MYOF: variants seen among roughly 807,000 people sequenced by gnomAD.
MYOF encodes fer-1-like 3, myoferlin.
MYOF carries 244 observed loss-of-function variants against 284.2 expected under a neutral mutation model. That is an observed-to-expected ratio of 0.86 (90% CI 0.77 to 0.95). MYOF has a LOEUF of 0.95. Among genes scored for constraint, MYOF ranks in the 40% least tolerant of loss-of-function variants. MYOF has a pLI of 0.00. For synonymous variants in MYOF, 904 were observed against 919.7 expected, an observed-to-expected ratio of 0.98 and a Z score of 0.31; for missense variants, 2,496 against 2,560.6, an observed-to-expected ratio of 0.97 and a Z score of 0.54.
At position 93,323,258 on chromosome 10, in the gene MYOF, T is replaced by C; in HGVS notation, c.5360+12A>G. 1 of 1,614,106 alleles carries C rather than the reference T, an allele frequency of 6.2e-7. No individual in the cohort carries two copies. Among genetic ancestry groups the C allele is most frequent in the Non-Finnish European group, 8.5e-7 (1 of 1,179,916 alleles). ...CAGTGTATGTATCAGGGTCTCAGGA[T>C]GACTGACTTACTTCTTGGCTTTCCG... On this transcript the variant is annotated intron_variant, in intron 47 of 53. Transcript: ENST00000359263.
intron 1 of MYOF, among the ~76,000 whole-genome samples, chr10:93,472,560 A>C (rs573768768): frequency 6.6e-6 from 1 of 152,070 alleles, no homozygotes; most frequent in Non-Finnish European, 1.5e-5. Context: ...AATCGCTTGA[A>C]CCCAGGAGGA....
At chr10:93,460,823 C>A (rs527537588) in intron 1 of MYOF, among the ~76,000 whole-genome samples, 2 of 149,428 alleles carry the variant, frequency 1.3e-5, no homozygotes, top group South Asian at 4.2e-4. Context: ...AGGCCAGGTG[C>A]GGTGGCTGAC....
At chr10:93,410,965 T>C (rs1847876888) in intron 5 of MYOF, among the ~76,000 whole-genome samples, 1 of 152,188 alleles carries the variant, frequency 6.6e-6, no homozygotes, top group Non-Finnish European at 1.5e-5. Context: ...TCGAGCTATG[T>C]GAGTCTGAGT....
At chr10:93,482,008 G>C in intron 1 of MYOF, 99 bp downstream of exon 1, 1 of 1,134,264 alleles carries the variant, frequency 8.8e-7, no homozygotes, top group Non-Finnish European at 1.3e-6. Context: ...GAGAGACTTG[G>C]CTTCATCAGC....
chr10:93,438,450 C>T (rs1477338981), intron 3 of MYOF, among the ~76,000 whole-genome samples: 1 of 152,182 alleles, frequency 6.6e-6, no homozygotes, highest in Admixed American at 6.5e-5. Context: ...CCTCGGTTCA[C>T]CCCTCCACTT....
At chr10:93,364,361 G>A (rs1202520111) in intron 26 of MYOF, among the ~76,000 whole-genome samples, 3 of 152,240 alleles carry the variant, frequency 2.0e-5, no homozygotes, top group Non-Finnish European at 4.4e-5. Context: ...AAACAGTATT[G>A]TGGGCAGCTT....
At chr10:93,368,646 A>G (rs1488670248) in intron 25 of MYOF, among the ~76,000 whole-genome samples, 1 of 152,224 alleles carries the variant, frequency 6.6e-6, no homozygotes, top group Non-Finnish European at 1.5e-5. Context: ...TATTCATTCA[A>G]TAAACAGGTA....
chr10:93,425,358 A>C (rs145627677), intron 5 of MYOF, among the ~76,000 whole-genome samples: 137 of 152,134 alleles, frequency 9.0e-4, no homozygotes, highest in Middle Eastern at 3.4e-3. Flanking sequence ...GAAGGGACAG[A>C]GACTTTTAGC....
At position 93,419,918 on chromosome 10, in the gene MYOF, G is replaced by A. The variant is rs181536489; in HGVS notation, c.433+6153C>T. Among the ~76,000 whole-genome samples the A allele has an allele frequency of 2.0e-5, 3 of 152,220 alleles. No homozygotes were observed. In the East Asian group the frequency reaches 5.8e-4, roughly 29 times the overall value. On this transcript the variant is annotated intron_variant, in intron 5 of 53. Transcript: ENST00000359263. ...AGGCCGAGGCTGGCGGATCACCTGA[G>A]GTCGGGAGTTCAAGACCAGCTTGGT... is the stretch of plus-strand genomic sequence containing the variant.
At chr10:93,336,567 A>G (rs1174284125) in intron 40 of MYOF, among the ~76,000 whole-genome samples, 2 of 152,172 alleles carry the variant, frequency 1.3e-5, no homozygotes, top group Non-Finnish European at 2.9e-5. Flanking sequence ...TGCTCCTAGG[A>G]GGGATGAGGA....
Position 93,351,718 on chromosome 10 carries a change from C to A in MYOF, c.3610G>T (p.Val1204Phe), listed in dbSNP as rs1844524227. ...EVEIYGEPQT[V>F]LQNPPKVIME... ...ATAACTTTGGGTGGATTCTGTAGAACTGTTTGGGGTTCCCCATAGATTTCA... is the reference window on the plus strand; with the variant it reads ...ATAACTTTGGGTGGATTCTGTAGAAATGTTTGGGGTTCCCCATAGATTTCA... Residue 1204 changes from valine (V) to phenylalanine (F), a missense_variant, in exon 33 of 54, where the codon GTT (valine) becomes TTT (phenylalanine). Coordinates refer to ENST00000359263, the MANE Select transcript of MYOF (RefSeq NM_013451.4). 1 of 1,599,576 alleles carries A rather than the reference C, an allele frequency of 6.3e-7. No individual in the cohort carries two copies. Among genetic ancestry groups the A allele is most frequent in the Non-Finnish European group, 8.5e-7 (1 of 1,175,818 alleles).
At chr10:93,402,464 A>G in intron 10 of MYOF, 117 bp from the exon 11 acceptor site, 1 of 773,496 alleles carries the variant, frequency 1.3e-6, no homozygotes, top group South Asian at 1.6e-5. Flanking sequence ...CGACACACCA[A>G]ATTCCCCAGA....
intron 1 of MYOF, among the ~76,000 whole-genome samples, chr10:93,471,182 G>A (rs1390024534): frequency 2.0e-5 from 3 of 152,118 alleles, no homozygotes; most frequent in Non-Finnish European, 4.4e-5. Flanking sequence ...TAATAAAATG[G>A]CTCAAACTTG....
Position 93,473,223 on chromosome 10 carries a change from C to A in MYOF, c.88+8884G>T, listed in dbSNP as rs574117202. On this transcript the variant is annotated intron_variant, in intron 1 of 53. Transcript: ENST00000359263. The stretch of plus-strand genomic sequence containing the variant: ...AAGATGGAAAAGAACAGATCTAATC[C>A]CTGGAAGGAGACAGGCTGCAGAGTT... Among the ~76,000 whole-genome samples, 5 of 152,222 alleles carry A rather than the reference C, an allele frequency of 3.3e-5. No homozygotes were observed. The South Asian group carries it at 1.0e-3, about 32-fold the overall frequency.
At chr10:93,469,124 G>T (rs570003976) in intron 1 of MYOF, among the ~76,000 whole-genome samples, 61 of 152,314 alleles carry the variant, frequency 4.0e-4, no homozygotes, top group African/African-American at 1.4e-3. Flanking sequence ...CATGAGCCAG[G>T]TATGGTGGCT....
Position 93,350,521 on chromosome 10 carries a change from C to T in MYOF, c.3922-552G>A, listed in dbSNP as rs117757845. ...AGAGGCAGGGTTCCACCATGTTGAC[C>T]GGGTTGGCCTCGAACTCCTGACTTC... On this transcript the variant is annotated intron_variant, in intron 35 of 53. Coordinates refer to ENST00000359263, the MANE Select transcript of MYOF (RefSeq NM_013451.4). Among the ~76,000 whole-genome samples the T allele has an allele frequency of 3.9e-3, 595 of 152,212 alleles. 4 individuals are homozygous for T. The Middle Eastern group carries it at 0.041, about 11-fold the overall frequency.
chr10:93,353,119 A>G (rs1844603124), intron 32 of MYOF, among the ~76,000 whole-genome samples: 1 of 152,188 alleles, frequency 6.6e-6, no homozygotes, highest in Non-Finnish European at 1.5e-5. Flanking sequence ...AGGCCCAGGG[A>G]AACTCTGCTG....
At chr10:93,476,385 G>T (rs2057264261) in intron 1 of MYOF, among the ~76,000 whole-genome samples, 1 of 151,304 alleles carries the variant, frequency 6.6e-6, no homozygotes, top group Admixed American at 6.6e-5. Flanking sequence ...CCAAGTAGCT[G>T]GGATTACAGG....
chr10:93,440,850 C>T (rs1410326466), intron 3 of MYOF, among the ~76,000 whole-genome samples: 1 of 152,152 alleles, frequency 6.6e-6, no homozygotes, highest in African/African-American at 2.4e-5. Context: ...AGGGCTGTGG[C>T]CCAATCTTAT....
Sources: allele counts gnomAD v4.1 joint callset (sites outside exome capture counted in the v4.1 genomes callset), GRCh38; gene constraint gnomAD v4.1.1; transcripts MANE v1.5; gene names NCBI Gene and HGNC (gene_info 2026-07-23, HGNC 2026-07-21).